The following USP28 variants were observed in gnomAD, a reference collection of about 807,000 sequenced individuals.
USP28 encodes the protein ubiquitin specific peptidase 28.
USP28 carries 113 observed loss-of-function variants against 145.0 expected under a neutral mutation model. That is an observed-to-expected ratio of 0.78 (90% CI 0.67 to 0.91). The LOEUF is 0.91. USP28 is among the 40% of genes least tolerant of loss of function. USP28 has a pLI of 0.00. For missense variants in USP28, 1,201 were observed against 1,289.6 expected, an observed-to-expected ratio of 0.93 and a Z score of 1.05; for synonymous variants, 447 against 450.9, an observed-to-expected ratio of 0.99 and a Z score of 0.11.
At chr11:113,858,583 C>T (rs1947315689) in intron 1 of USP28, among the ~76,000 whole-genome samples, 1 of 152,078 alleles carries the variant, frequency 6.6e-6, no homozygotes, top group Non-Finnish European at 1.5e-5. Context: ...CTTGATATTC[C>T]TCATCATGTG....
rs1346448597 is a variant in USP28, at chr11:113,809,050, C to T, written c.2164+13G>A. 13 of 1,608,144 alleles carry T rather than the reference C, an allele frequency of 8.1e-6. No homozygotes were observed. The highest frequency in any genetic ancestry group is 6.7e-5 in the Admixed American group (4 of 59,814). On this transcript the variant is annotated intron_variant, in intron 17 of 24. Transcript: ENST00000003302. ...TGTTACTGGATCACTGGCATAAATG[C>T]CTTCTCAGATACCTTGTGATGTAGA...
At chr11:113,847,012 TA>T (rs1384968458) in intron 3 of USP28, among the ~76,000 whole-genome samples, 4 of 152,098 alleles carry the variant, frequency 2.6e-5, no homozygotes, top group Non-Finnish European at 4.4e-5. Context: ...AATAAATTAA[TA>T]AATAATCCAA....
At chr11:113,833,960 C>T (rs1029319122) in intron 6 of USP28, among the ~76,000 whole-genome samples, 1 of 152,190 alleles carries the variant, frequency 6.6e-6, no homozygotes, top group Non-Finnish European at 1.5e-5. Flanking sequence ...ATCACATTGC[C>T]TAAGCAGCTC....
chr11:113,817,955 T>A, intron 12 of USP28, 118 bp from the exon 13 acceptor site: 1 of 1,076,416 alleles, frequency 9.3e-7, no homozygotes, highest in South Asian at 1.7e-5. Context: ...CTAGAGGCTA[T>A]ACAATATTTA....
intron 5 of USP28, chr11:113,835,243 T>C (rs1944437861): frequency 4.4e-6 from 2 of 454,974 alleles, no homozygotes; most frequent in Admixed American, 2.4e-5. Context: ...ATATCTCCTG[T>C]ATGAATATAC....
chr11:113,841,491 T>C (rs1945187515), intron 4 of USP28, among the ~76,000 whole-genome samples, 172 bp downstream of exon 4: 1 of 152,216 alleles, frequency 6.6e-6, no homozygotes, highest in African/African-American at 2.4e-5. Flanking sequence ...CCTTTCAGTT[T>C]CGCTTTTTCA....
intron 3 of USP28, among the ~76,000 whole-genome samples, chr11:113,849,457 T>C (rs1489211293): frequency 6.6e-6 from 1 of 152,188 alleles, no homozygotes; most frequent in Non-Finnish European, 1.5e-5. Flanking sequence ...TGAACAGTGA[T>C]AAAAGCCCGT....
chr11:113,827,362 T>C lies in USP28; in HGVS notation c.1060-2A>G. 2.5e-6 allele frequency: 4 copies of C among 1,588,928 alleles called. No individual in the cohort carries two copies. The highest frequency in any genetic ancestry group is 1.7e-6 in the Non-Finnish European group (2 of 1,172,610). Reference sequence around the variant, plus strand: ...TGGAGGTAGCTTTGTAAACCAACGCTAGTGTCAAGAGTAGAAATGTGAGAG... The same window carrying C: ...TGGAGGTAGCTTTGTAAACCAACGCCAGTGTCAAGAGTAGAAATGTGAGAG... On this transcript the variant is annotated splice_acceptor_variant, in intron 10 of 24. Transcript: ENST00000003302. LOFTEE classifies it high-confidence loss of function.
rs546809957 is a variant in USP28 at position 113,829,710 on chromosome 11, G to A, written c.911-365C>T. Among the ~76,000 whole-genome samples the A allele has an allele frequency of 1.2e-4, 18 of 151,844 alleles. No individual in the cohort carries two copies. The South Asian group carries it at 3.7e-3, about 32-fold the overall frequency. On this transcript the variant is annotated intron_variant, in intron 9 of 24. Transcript: ENST00000003302. ...TGCAGTAACACACGCCTGAAGTCCT[G>A]GCTACTCAGGAGGATAAGGTAGGAG...
chr11:113,827,145 G>C, intron 11 of USP28, 88 bp downstream of exon 11: 1 of 1,454,480 alleles, frequency 6.9e-7, no homozygotes, highest in Non-Finnish European at 9.2e-7. Flanking sequence ...ATGTCTCCCA[G>C]GTGATTCCTA....
In USP28 at chr11:113,803,144, C is replaced by T; in HGVS notation, c.2862+14G>A. 1.9e-6 allele frequency: 3 copies of T among 1,604,666 alleles called. No homozygotes were observed. The highest frequency in any genetic ancestry group is 1.1e-5 in the South Asian group (1 of 89,670). ...ACAACAAAAAAACCTTAAGGCTTTA[C>T]AAACAGTACAAACCAGAAGGCATTT... On this transcript the variant is annotated intron_variant, in intron 23 of 24. Transcript: ENST00000003302.
exon 18 of USP28, chr11:113,808,388 A>G (rs1940387837): frequency 1.2e-6 from 2 of 1,614,144 alleles, no homozygotes; most frequent in Non-Finnish European, 1.7e-6. Flanking sequence ...CAATCACAGC[A>G]TGCTCAGACG....
chr11:113,831,714 A>G (rs555089645), intron 8 of USP28, among the ~76,000 whole-genome samples: 11 of 152,092 alleles, frequency 7.2e-5, no homozygotes, highest in African/African-American at 2.6e-4. Flanking sequence ...AAAAAAAAAA[A>G]GCTGCAGGAT....
In USP28 at chr11:113,804,852, A is replaced by G. The variant is rs759598634; in HGVS notation, c.2579+16T>C. On this transcript the variant is annotated intron_variant, in intron 20 of 24. Transcript: ENST00000003302. ...CAACCCAGACCAAGGGATTCACCTG[A>G]ATATTCTCTTCTCACCTTTCATCAT... 9.3e-6 allele frequency: 15 copies of G among 1,611,916 alleles called. No homozygotes were observed. The Admixed American group carries it at 2.5e-4, about 27-fold the overall frequency.
intron 3 of USP28, among the ~76,000 whole-genome samples, chr11:113,845,292 A>T (rs898503608): frequency 1.3e-5 from 2 of 151,634 alleles, no homozygotes; most frequent in African/African-American, 4.8e-5. Context: ...TACAAAACTT[A>T]GCTAGGCGTG....
In USP28 at chr11:113,823,720, A is replaced by G; in HGVS notation, c.1188-20T>C. On this transcript the variant is annotated intron_variant, in intron 11 of 24. Transcript: ENST00000003302. The stretch of plus-strand genomic sequence containing the variant: ...ATGTACCTAAGTAAATAATCCCACA[A>G]ACACAATTTATATTATAAAACATTA... 1 of 1,547,250 alleles carries G rather than the reference A, an allele frequency of 6.5e-7. No individual in the cohort carries two copies. Among genetic ancestry groups the G allele is most frequent in the Non-Finnish European group, 8.8e-7 (1 of 1,135,336 alleles).
rs539418916 is a variant in USP28, at chr11:113,842,401, C to T, written c.269-633G>A. ...GAGATCGAGACCATCCTGGCTAACACGGTGAAACCCCGTCTCTACTAAAAA... is the reference window on the plus strand; with the variant it reads ...GAGATCGAGACCATCCTGGCTAACATGGTGAAACCCCGTCTCTACTAAAAA... On this transcript the variant is annotated intron_variant, in intron 3 of 24. Transcript: ENST00000003302. Among the ~76,000 whole-genome samples the T allele has an allele frequency of 2.9e-4, 44 of 151,944 alleles. No homozygotes were observed. In the South Asian group the frequency reaches 7.7e-3, roughly 27 times the overall value.
intron 3 of USP28, among the ~76,000 whole-genome samples, chr11:113,846,814 G>T (rs1240115570): frequency 6.6e-6 from 1 of 152,112 alleles, no homozygotes; most frequent in African/African-American, 2.4e-5. Flanking sequence ...AACCAATATG[G>T]TGAAACCCAG....
chr11:113,852,075 C>G (rs1479173317), intron 3 of USP28, among the ~76,000 whole-genome samples: 1 of 152,154 alleles, frequency 6.6e-6, no homozygotes, highest in African/African-American at 2.4e-5. Context: ...GTCGCCCAGG[C>G]TGGAGAGCAG....
Sources: gnomAD v4.1 joint callset for allele counts (sites outside exome capture counted in the v4.1 genomes callset) on GRCh38, gnomAD v4.1.1 for gene constraint, MANE v1.5 for transcripts, NCBI Gene and HGNC (gene_info 2026-07-23, HGNC 2026-07-21) for gene names.